SYNPR: variants seen among roughly 807,000 people sequenced by gnomAD.
SYNPR encodes synaptoporin.
In SYNPR, 23 loss-of-function variants were observed where a neutral mutation model predicts 32.9. The observed-to-expected ratio is 0.70, with a 90% CI of 0.50 to 0.99. SYNPR has a LOEUF of 0.99. Among genes scored for constraint, SYNPR ranks in the 50% least tolerant of loss-of-function variants. The probability of loss-of-function intolerance (pLI) is 0.00; values close to 1 mark genes in which losing one functional copy is unlikely to be tolerated. For synonymous variants in SYNPR, 146 were observed against 135.9 expected (o/e 1.07, Z -0.52); for missense variants, 318 against 349.3 (o/e 0.91, Z 0.71).
At chr3:63,584,776 T>C (rs1400957961) in intron 4 of SYNPR, among the ~76,000 whole-genome samples, 1 of 152,084 alleles carries the variant, frequency 6.6e-6, no homozygotes, top group African/African-American at 2.4e-5. Context: ...AGAATGGCAA[T>C]GTATGCAAAT....
intron 4 of SYNPR, among the ~76,000 whole-genome samples, chr3:63,572,423 G>A (rs981072171): frequency 6.6e-6 from 1 of 152,118 alleles, no homozygotes; most frequent in African/African-American, 2.4e-5. Context: ...TCCAACACCT[G>A]CTGACTCTGA....
At chr3:63,576,297 C>A (rs776776095) in intron 4 of SYNPR, among the ~76,000 whole-genome samples, 1 of 152,072 alleles carries the variant, frequency 6.6e-6, no homozygotes, top group African/African-American at 2.4e-5. Context: ...CCTCTGAGTA[C>A]GTGAAACAAA....
intron 2 of SYNPR, among the ~76,000 whole-genome samples, chr3:63,470,540 T>A (rs897767149): frequency 2.6e-5 from 4 of 152,176 alleles, no homozygotes; most frequent in Non-Finnish European, 5.9e-5. Flanking sequence ...CTAGGAAGTA[T>A]CTAGTGAAAA....
intron 4 of SYNPR, among the ~76,000 whole-genome samples, chr3:63,605,236 G>A (rs907711785): frequency 6.6e-6 from 1 of 152,172 alleles, no homozygotes; most frequent in African/African-American, 2.4e-5. Flanking sequence ...TATCTGGGGA[G>A]GGGACCATTA....
intron 2 of SYNPR, among the ~76,000 whole-genome samples, chr3:63,292,793 A>ACACATG (rs2086753358): frequency 6.6e-6 from 1 of 152,370 alleles, no homozygotes; most frequent in South Asian, 2.1e-4. Context: ...GCATGCACAC[A>ACACATG]CACATGCACA....
chr3:63,353,967 G>A (rs1487184525), intron 2 of SYNPR, among the ~76,000 whole-genome samples: 1 of 152,160 alleles, frequency 6.6e-6, no homozygotes, highest in African/African-American at 2.4e-5. Context: ...TGTATGAAAG[G>A]GAGAAACACA....
At chr3:63,272,729 C>T (rs147559737) in intron 3 of SYNPR, among the ~76,000 whole-genome samples, 1 of 152,184 alleles carries the variant, frequency 6.6e-6, no homozygotes, top group African/African-American at 2.4e-5. Context: ...TTCTGTTTTC[C>T]CACACATAGC....
chr3:63,481,548 G>A (rs1378291492), intron 3 of SYNPR, among the ~76,000 whole-genome samples: 5 of 151,684 alleles, frequency 3.3e-5, no homozygotes, highest in Admixed American at 2.0e-4. Context: ...TCATAGAGAC[G>A]TAGCATTGAT....
chr3:63,258,640 C>T (rs1216278638), intron 2 of SYNPR, among the ~76,000 whole-genome samples: 3 of 151,926 alleles, frequency 2.0e-5, no homozygotes, highest in Non-Finnish European at 4.4e-5. Flanking sequence ...AAATTGACAC[C>T]CTAACATCAC....
intron 2 of SYNPR, among the ~76,000 whole-genome samples, chr3:63,450,379 A>C (rs575313681): frequency 1.3e-5 from 2 of 152,320 alleles, no homozygotes; most frequent in East Asian, 3.9e-4. Flanking sequence ...AATTTATTTA[A>C]GTCAGAAAAC....
intron 4 of SYNPR, among the ~76,000 whole-genome samples, chr3:63,592,004 T>A: frequency 6.6e-6 from 1 of 151,954 alleles, no homozygotes; most frequent in East Asian, 1.9e-4. Flanking sequence ...TTTGCAGATG[T>A]AATTCAGTTA....
intron 2 of SYNPR, among the ~76,000 whole-genome samples, chr3:63,365,587 T>C (rs1430167986): frequency 2.6e-5 from 4 of 152,302 alleles, no homozygotes; most frequent in African/African-American, 7.2e-5. Context: ...GACAAAAATA[T>C]CACAAGGATA....
At chr3:63,357,845 A>G (rs2087603788) in intron 2 of SYNPR, among the ~76,000 whole-genome samples, 1 of 152,218 alleles carries the variant, frequency 6.6e-6, no homozygotes, top group South Asian at 2.1e-4. Flanking sequence ...ATACTTCATT[A>G]TGACTGAATG....
intron 2 of SYNPR, chr3:63,443,338 A>G (rs1700215589): frequency 5.2e-6 from 8 of 1,525,466 alleles, no homozygotes; most frequent in Non-Finnish European, 7.1e-6. Flanking sequence ...GCTTCATAAA[A>G]AGAGGGACAA....
chr3:63,243,044 A>G (rs980996076), intron 1 of SYNPR, among the ~76,000 whole-genome samples: 1 of 152,090 alleles, frequency 6.6e-6, no homozygotes, highest in African/African-American at 2.4e-5. Flanking sequence ...GGAAGAGAAG[A>G]AAAAGCAAGG....
chr3:63,324,850 G>T lies in SYNPR; in HGVS notation c.84+46108G>T, dbSNP rs978238120. ...AGAATTAGCCTGGCCAGATGGTGAC[G>T]GGTAACTGACTGTTCTACACGGACC... On this transcript the variant is annotated intron_variant, in intron 2 of 5. Coordinates refer to ENST00000478300, the MANE Select transcript of SYNPR (RefSeq NM_001130003.2). 7.9e-5 allele frequency among the ~76,000 whole-genome samples: 12 copies of T among 152,110 alleles called. No individual in the cohort carries two copies. In the East Asian group the frequency reaches 1.6e-3, roughly 20 times the overall value.
chr3:63,569,483 TA>T lies in SYNPR; in HGVS notation c.408+12749del, dbSNP rs890212042. ...CAAAGATAATTTTCTTCCCAGAGAA[TA>T]AAAAAACTAAAATAAAAATAACTTG... On this transcript the variant is annotated intron_variant, in intron 4 of 5. Transcript: ENST00000478300. Among the ~76,000 whole-genome samples the T allele has an allele frequency of 1.5e-4, 23 of 152,234 alleles. No homozygotes were observed. In the East Asian group the frequency reaches 3.7e-3, roughly 24 times the overall value.
chr3:63,318,856 TG>T (rs1195465979), intron 2 of SYNPR, among the ~76,000 whole-genome samples: 1 of 151,940 alleles, frequency 6.6e-6, no homozygotes, highest in Non-Finnish European at 1.5e-5. Flanking sequence ...TTACCGGGGT[TG>T]GTTTTCTGGT....
chr3:63,555,592 T>C (rs954445348), intron 3 of SYNPR, among the ~76,000 whole-genome samples: 1 of 152,176 alleles, frequency 6.6e-6, no homozygotes, highest in African/African-American at 2.4e-5. Flanking sequence ...TCCAGTAATT[T>C]ATTGAGCCTG....
Sources: gnomAD v4.1 joint callset for allele counts (sites outside exome capture counted in the v4.1 genomes callset) on GRCh38, gnomAD v4.1.1 for gene constraint, MANE v1.5 for transcripts, NCBI Gene and HGNC (gene_info 2026-07-23, HGNC 2026-07-21) for gene names.